LINGO2: variants seen among roughly 807,000 people sequenced by gnomAD.
LINGO2 encodes the protein leucine rich repeat and Ig domain containing 2.
Under a neutral mutation model 30.6 loss-of-function variants are expected in LINGO2, and 14 were observed. The ratio of observed to expected loss-of-function variants is 0.46; its 90% CI spans 0.30 to 0.72. LINGO2 has a LOEUF of 0.72. Among genes scored for constraint, LINGO2 ranks in the 30% least tolerant of loss-of-function variants. LINGO2 has a pLI of 0.07. For missense variants in LINGO2, 729 were observed against 751.7 expected, an observed-to-expected ratio of 0.97 and a Z score of 0.35; for synonymous variants, 317 against 288.5, an observed-to-expected ratio of 1.10 and a Z score of -1.00.
intron 1 of LINGO2, among the ~76,000 whole-genome samples, chr9:28,578,611 T>G (rs1238751133): frequency 6.6e-6 from 1 of 152,158 alleles, no homozygotes; most frequent in East Asian, 1.9e-4. Flanking sequence ...AACAAGTCCA[T>G]GTTTCTAATT....
At chr9:28,414,804 G>A (rs941127624) in intron 2 of LINGO2, among the ~76,000 whole-genome samples, 12 of 152,052 alleles carry the variant, frequency 7.9e-5, no homozygotes, top group African/African-American at 2.7e-4. Context: ...TTTACAGAAA[G>A]TGATGGTTTT....
At chr9:28,746,873 C>T in the LINGO2 span, among the ~76,000 whole-genome samples, 4 of 152,000 alleles carry the variant, frequency 2.6e-5, no homozygotes, top group African/African-American at 9.7e-5. Flanking sequence ...ACCTGCCTTA[C>T]TTTACGCCTT....
chr9:29,072,938 C>T, the LINGO2 span, among the ~76,000 whole-genome samples: 23 of 142,512 alleles, frequency 1.6e-4, no homozygotes, highest in Admixed American at 4.2e-4. Context: ...CTCTCTCTTT[C>T]TCTCTCTCCC....
chr9:28,941,755 T>C, the LINGO2 span, among the ~76,000 whole-genome samples: 1 of 152,186 alleles, frequency 6.6e-6, no homozygotes, highest in Non-Finnish European at 1.5e-5. Flanking sequence ...GGGGTTACTA[T>C]ATATTTTATT....
the LINGO2 span, among the ~76,000 whole-genome samples, chr9:28,941,235 G>A: frequency 1.3e-5 from 2 of 152,176 alleles, no homozygotes; most frequent in South Asian, 2.1e-4. Flanking sequence ...AGAAGGCTGA[G>A]AGGCCTGACA....
intron 4 of LINGO2, among the ~76,000 whole-genome samples, chr9:28,243,554 G>A (rs959275966): frequency 1.3e-4 from 19 of 151,516 alleles, no homozygotes; most frequent in Admixed American, 9.2e-4. Flanking sequence ...CCCATCTCAC[G>A]TGCAAAGATA....
At chr9:28,915,406 T>C in the LINGO2 span, among the ~76,000 whole-genome samples, 4 of 152,118 alleles carry the variant, frequency 2.6e-5, no homozygotes, top group Non-Finnish European at 5.9e-5. Context: ...GTCTGGGGTG[T>C]GGCTTGAGAA....
chr9:28,632,851 ATT>A (rs1354150731), intron 1 of LINGO2, among the ~76,000 whole-genome samples: 115 of 80,624 alleles, frequency 1.4e-3, no homozygotes, highest in Non-Finnish European at 1.6e-3. Flanking sequence ...ATCTATATAT[ATT>A]TTTTATATAT....
chr9:28,005,672 T>C (rs1248079264), intron 5 of LINGO2, among the ~76,000 whole-genome samples: 1 of 152,150 alleles, frequency 6.6e-6, no homozygotes, highest in Non-Finnish European at 1.5e-5. Context: ...GATTTCAGTC[T>C]GAGATTCATT....
rs1044850614 is a variant in LINGO2 at position 28,507,129 on chromosome 9, G to A, written c.-364-31104C>T. ...AAGAAATTCCAAGATGATGTCCCAT[G>A]AATGGCAACTCTCGCTGATTGAGGC... is the stretch of plus-strand genomic sequence containing the variant. On this transcript the variant is annotated intron_variant, in intron 1 of 5. Transcript: ENST00000379992. Among the ~76,000 whole-genome samples, 7 of 152,106 alleles carry A rather than the reference G, an allele frequency of 4.6e-5. No individual in the cohort carries two copies. In the South Asian group the frequency reaches 6.2e-4, roughly 13 times the overall value.
intron 4 of LINGO2, among the ~76,000 whole-genome samples, chr9:28,239,268 T>C (rs987085279): frequency 1.3e-5 from 2 of 152,042 alleles, no homozygotes; most frequent in African/African-American, 2.4e-5. Context: ...GAAGAGAAGA[T>C]ACTTCCAAAC....
chr9:28,219,274 T>C (rs1359993557), intron 4 of LINGO2, among the ~76,000 whole-genome samples: 4 of 152,218 alleles, frequency 2.6e-5, no homozygotes, highest in African/African-American at 9.7e-5. Context: ...AAAAGCTTAA[T>C]ATTCAGAAAA....
At chr9:29,078,308 G>A in the LINGO2 span, among the ~76,000 whole-genome samples, 7 of 152,024 alleles carry the variant, frequency 4.6e-5, no homozygotes, top group Non-Finnish European at 8.8e-5. Flanking sequence ...AAAATCTGGA[G>A]AACTGATTTT....
At chr9:28,413,674 T>G (rs1191105471) in intron 2 of LINGO2, among the ~76,000 whole-genome samples, 1 of 152,074 alleles carries the variant, frequency 6.6e-6, no homozygotes, top group Non-Finnish European at 1.5e-5. Flanking sequence ...ACAGATTACT[T>G]CTGGGACTAT....
chr9:28,019,651 A>G (rs923007638), intron 4 of LINGO2, among the ~76,000 whole-genome samples: 2 of 152,052 alleles, frequency 1.3e-5, no homozygotes, highest in Non-Finnish European at 2.9e-5. Flanking sequence ...CCTATTCCTA[A>G]TTTATTCTTT....
chr9:28,232,405 G>A (rs1391373709), intron 4 of LINGO2, among the ~76,000 whole-genome samples: 7 of 112,154 alleles, frequency 6.2e-5, no homozygotes, highest in Admixed American at 3.7e-4. Context: ...GTGACAGAAC[G>A]AGATTCTATC....
the LINGO2 span, among the ~76,000 whole-genome samples, chr9:29,076,009 T>G: frequency 6.6e-6 from 1 of 151,808 alleles, no homozygotes. Flanking sequence ...CACCACAGCC[T>G]CTCTGTGCAC....
At chr9:28,972,852 G>C in the LINGO2 span, among the ~76,000 whole-genome samples, 1 of 152,110 alleles carries the variant, frequency 6.6e-6, no homozygotes, top group East Asian at 1.9e-4. Flanking sequence ...CTTATTCACT[G>C]TCACGAGAAC....
At chr9:27,994,354 A>T (rs1821549455) in intron 5 of LINGO2, among the ~76,000 whole-genome samples, 1 of 152,298 alleles carries the variant, frequency 6.6e-6, no homozygotes, top group Non-Finnish European at 1.5e-5. Flanking sequence ...TTTTTAAAAA[A>T]AGTTAAACAA....
Sources: gnomAD v4.1 joint callset for allele counts (sites outside exome capture counted in the v4.1 genomes callset) on GRCh38, gnomAD v4.1.1 for gene constraint, MANE v1.5 for transcripts, NCBI Gene and HGNC (gene_info 2026-07-23, HGNC 2026-07-21) for gene names.